The following DNM3 variants were observed in gnomAD, a reference collection of about 807,000 sequenced individuals.
The protein encoded by DNM3 is dynamin-3.
A neutral mutation model predicts 101.6 loss-of-function variants in DNM3; 47 were observed. The ratio of observed to expected loss-of-function variants is 0.46; its 90% CI spans 0.37 to 0.59. The LOEUF is 0.59. Among genes scored for constraint, DNM3 ranks in the 20% least tolerant of loss-of-function variants. The pLI, the probability that DNM3 is intolerant of heterozygous loss-of-function variation, is 0.00. For missense variants in DNM3, 849 were observed against 1,085.7 expected (o/e 0.78, Z 3.06); for synonymous variants, 385 against 387.9 (o/e 0.99, Z 0.09).
intron 4 of DNM3, among the ~76,000 whole-genome samples, chr1:171,991,975 T>G (rs1367322258): frequency 6.6e-6 from 1 of 152,230 alleles, no homozygotes; most frequent in Admixed American, 6.5e-5. Flanking sequence ...AAATTGTTTC[T>G]TTTTTAAGAT....
rs2052334410 is a variant in DNM3 at position 172,073,081 on chromosome 1, T to C, written c.1422+4176T>C. 4.5e-5 allele frequency among the ~76,000 whole-genome samples: 6 copies of C among 133,088 alleles called. No individual in the cohort carries two copies. The South Asian group carries it at 1.5e-3, about 34-fold the overall frequency. 87.3% of individuals were successfully genotyped at this position (133,088 alleles called of 152,430 possible). ...TACATTCTTGCAGAGAAGAGAAATA[T>C]TAAAAAAAATTAATAATTAATTACA... is the stretch of plus-strand genomic sequence containing the variant. On this transcript the variant is annotated intron_variant, in intron 11 of 20. Transcript: ENST00000627582.
At chr1:172,070,304 G>A (rs768136815) in intron 11 of DNM3, among the ~76,000 whole-genome samples, 2 of 152,102 alleles carry the variant, frequency 1.3e-5, no homozygotes, top group Non-Finnish European at 2.9e-5. Context: ...AGGGCCAGAG[G>A]TTCTCCCTAA....
chr1:172,264,501 G>A (rs2062785140), intron 15 of DNM3, among the ~76,000 whole-genome samples: 1 of 152,196 alleles, frequency 6.6e-6, no homozygotes, highest in Non-Finnish European at 1.5e-5. Flanking sequence ...AAGAAAATAA[G>A]TGTTCTCATT....
At chr1:172,090,762 T>C (rs2053853780) in intron 12 of DNM3, among the ~76,000 whole-genome samples, 1 of 152,202 alleles carries the variant, frequency 6.6e-6, no homozygotes, top group Non-Finnish European at 1.5e-5. Flanking sequence ...AGGAGTTTAT[T>C]AAAAACTTAT....
intron 14 of DNM3, among the ~76,000 whole-genome samples, chr1:172,145,882 A>T (rs1259769119): frequency 6.6e-6 from 1 of 152,198 alleles, no homozygotes; most frequent in East Asian, 1.9e-4. Flanking sequence ...ACCAAAGGTT[A>T]TAAGATATCA....
At chr1:172,090,720 T>G (rs1412552992) in intron 12 of DNM3, among the ~76,000 whole-genome samples, 1 of 152,202 alleles carries the variant, frequency 6.6e-6, no homozygotes, top group African/African-American at 2.4e-5. Context: ...TTTCATGAGT[T>G]TGAGTGAAGG....
chr1:172,195,178 CA>C (rs1308603282), intron 14 of DNM3, among the ~76,000 whole-genome samples: 1 of 151,886 alleles, frequency 6.6e-6, no homozygotes, highest in African/African-American at 2.4e-5. Context: ...AGAGAAGAAA[CA>C]TCCAAACCAT....
chr1:172,324,076 T>A (rs1341216675), intron 17 of DNM3, among the ~76,000 whole-genome samples: 1 of 152,236 alleles, frequency 6.6e-6, no homozygotes, highest in East Asian at 1.9e-4. Context: ...TTAATTCAAC[T>A]TTTCCAAAAG....
At chr1:172,037,290 G>A (rs963115774) in intron 6 of DNM3, among the ~76,000 whole-genome samples, 1 of 152,134 alleles carries the variant, frequency 6.6e-6, no homozygotes, top group Admixed American at 6.5e-5. Flanking sequence ...CCATTACTGG[G>A]TATATACCCA....
At chr1:171,983,318 G>A (rs1177393170) in intron 2 of DNM3, among the ~76,000 whole-genome samples, 1 of 139,360 alleles carries the variant, frequency 7.2e-6, no homozygotes, top group African/African-American at 2.9e-5. Flanking sequence ...TTAGCCAGAT[G>A]TGGTGGCACA....
chr1:172,106,769 A>G (rs1171302022), intron 13 of DNM3, among the ~76,000 whole-genome samples: 1 of 151,066 alleles, frequency 6.6e-6, no homozygotes, highest in Non-Finnish European at 1.5e-5. Flanking sequence ...TTTATTCTAT[A>G]AGACTTATTT....
intron 1 of DNM3, among the ~76,000 whole-genome samples, chr1:171,914,583 G>A (rs2039565716): frequency 6.6e-6 from 1 of 152,024 alleles, no homozygotes; most frequent in Non-Finnish European, 1.5e-5. Flanking sequence ...GGCCCACCTA[G>A]TATTCCGTAT....
At position 172,243,872 on chromosome 1, in the gene DNM3, T is replaced by TA. The variant is rs551862597; in HGVS notation, c.1660-9701_1660-9700insA. Among the ~76,000 whole-genome samples, 728 of 152,296 alleles carry TA rather than the reference T, an allele frequency of 4.8e-3. 6 individuals are homozygous for TA. Among genetic ancestry groups the TA allele is most frequent in the Non-Finnish European group, 5.0e-3 (341 of 68,012 alleles). ...TCTCTATAGTTATAACTTCTTTTTT[T>TA]TTATTATTATACTTTAAGTTTTAGG... On this transcript the variant is annotated intron_variant, in intron 14 of 20. Coordinates refer to ENST00000627582, the MANE Select transcript of DNM3 (RefSeq NM_015569.5).
At chr1:172,111,344 G>A (rs1344042779) in intron 13 of DNM3, among the ~76,000 whole-genome samples, 1 of 152,174 alleles carries the variant, frequency 6.6e-6, no homozygotes, top group Non-Finnish European at 1.5e-5. Context: ...ACTAATCTGT[G>A]ATCTAGGGAA....
Position 172,037,279 on chromosome 1 carries a change from C to G in DNM3, c.850-1040C>G, listed in dbSNP as rs559366216. On this transcript the variant is annotated intron_variant, in intron 6 of 20. Transcript: ENST00000627582. Reference sequence around the variant, plus strand: ...TAGAAATACCATTTGACCCAGCCATCCCATTACTGGGTATATACCCAAAGG... The same window carrying G: ...TAGAAATACCATTTGACCCAGCCATGCCATTACTGGGTATATACCCAAAGG... Among the ~76,000 whole-genome samples the G allele has an allele frequency of 5.9e-5, 9 of 152,294 alleles. No individual in the cohort carries two copies. In the South Asian group the frequency reaches 1.9e-3, roughly 32 times the overall value.
chr1:172,411,758 A>G lies in DNM3; in HGVS notation c.*3917A>G, dbSNP rs2071220687. 3.0e-6 allele frequency: 3 copies of G among 985,480 alleles called. No individual in the cohort carries two copies. The highest frequency in any genetic ancestry group is 3.6e-6 in the Non-Finnish European group (3 of 829,844). 61.0% of individuals were successfully genotyped at this position (985,480 alleles called of 1,614,324 possible). On this transcript the variant is annotated 3_prime_UTR_variant, in exon 21 of 21. Transcript: ENST00000627582. ...TACTAGGTCTCTAACTGTTGAACTCATGAAAGAAGATAGTGTATGAGACTT... is the reference window on the plus strand; with the variant it reads ...TACTAGGTCTCTAACTGTTGAACTCGTGAAAGAAGATAGTGTATGAGACTT...
At chr1:171,885,445 A>C (rs923413482) in intron 1 of DNM3, among the ~76,000 whole-genome samples, 5 of 152,210 alleles carry the variant, frequency 3.3e-5, no homozygotes, top group African/African-American at 1.2e-4. Flanking sequence ...GAGAGAGTAC[A>C]TAGCCATGTT....
intron 17 of DNM3, among the ~76,000 whole-genome samples, chr1:172,335,648 G>A (rs915084166): frequency 7.2e-5 from 11 of 152,136 alleles, no homozygotes; most frequent in African/African-American, 2.7e-4. Flanking sequence ...CAGCAACATG[G>A]ATGCAGCTGG....
rs1558210018 is a variant in DNM3, at chr1:171,883,417, T to TC, written c.162-38331_162-38330insC. ...CACACACACACACACACACACACCC[T>TC]GTCAGAATGAATACCATCAATCTAT... On this transcript the variant is annotated intron_variant, in intron 1 of 20. Transcript: ENST00000627582. Among the ~76,000 whole-genome samples, 118 of 48,842 alleles carry TC rather than the reference T, an allele frequency of 2.4e-3. 2 individuals carry two copies. The East Asian group carries it at 0.038, about 16-fold the overall frequency. 32.0% of individuals were successfully genotyped at this position (48,842 alleles called of 152,430 possible).
Sources: gnomAD v4.1 joint callset for allele counts (sites outside exome capture counted in the v4.1 genomes callset) on GRCh38, gnomAD v4.1.1 for gene constraint, MANE v1.5 for transcripts, NCBI Gene and HGNC (gene_info 2026-07-23, HGNC 2026-07-21) for gene names.